The following PRKG1 variants were observed in gnomAD, a reference collection of about 807,000 sequenced individuals.
The protein encoded by PRKG1 is protein kinase cGMP-dependent 1, also known as cGMP-dependent protein kinase 1.
PRKG1 carries 35 observed loss-of-function variants against 88.1 expected under a neutral mutation model. The observed-to-expected ratio is 0.40, with a 90% CI of 0.30 to 0.53. PRKG1 has a LOEUF of 0.53. PRKG1 is among the 20% of genes least tolerant of loss of function. The pLI is 0.59. For missense variants in PRKG1, 540 were observed against 839.8 expected, an observed-to-expected ratio of 0.64 and a Z score of 4.41; for synonymous variants, 303 against 292.5, an observed-to-expected ratio of 1.04 and a Z score of -0.37.
Position 51,555,155 on chromosome 10 carries a change from T to C in PRKG1, c.592+87319T>C, listed in dbSNP as rs575147213. Reference sequence around the variant, plus strand: ...ACAAGGGGGTTGTCACGTTTTTCTTTCTATGCTTTATGGCTCTCCAGTTCC... The same window carrying C: ...ACAAGGGGGTTGTCACGTTTTTCTTCCTATGCTTTATGGCTCTCCAGTTCC... On this transcript the variant is annotated intron_variant, in intron 3 of 17. Transcript: ENST00000373980. Among the ~76,000 whole-genome samples the C allele has an allele frequency of 4.6e-5, 7 of 152,046 alleles. No individual in the cohort carries two copies. In the South Asian group the frequency reaches 1.0e-3, roughly 23 times the overall value.
At chr10:51,282,206 A>G (rs1840319190) in intron 2 of PRKG1, among the ~76,000 whole-genome samples, 1 of 152,280 alleles carries the variant, frequency 6.6e-6, no homozygotes, top group African/African-American at 2.4e-5. Flanking sequence ...CTTGGAATAG[A>G]TGTTGGTTAA....
intron 3 of PRKG1, among the ~76,000 whole-genome samples, chr10:51,505,082 C>T (rs2132048932): frequency 6.6e-6 from 1 of 152,234 alleles, no homozygotes; most frequent in African/African-American, 2.4e-5. Context: ...AGTTTTTGCC[C>T]ATTCAGTATG....
intron 4 of PRKG1, among the ~76,000 whole-genome samples, chr10:51,814,101 A>C (rs1410364347): frequency 3.3e-5 from 5 of 152,088 alleles, no homozygotes; most frequent in Admixed American, 3.3e-4. Flanking sequence ...GTTCTTTTTT[A>C]ACCTCCTGCC....
At chr10:51,481,213 G>T (rs528683338) in intron 3 of PRKG1, among the ~76,000 whole-genome samples, 4 of 103,804 alleles carry the variant, frequency 3.9e-5, no homozygotes, top group Admixed American at 1.5e-4. Flanking sequence ...CCCTCCTTTC[G>T]TTCCTTCCTT....
intron 7 of PRKG1, among the ~76,000 whole-genome samples, chr10:52,101,998 G>C (rs1048856437): frequency 6.6e-6 from 1 of 152,082 alleles, no homozygotes; most frequent in Non-Finnish European, 1.5e-5. Flanking sequence ...TCTCTATAAA[G>C]ATGCTAAACC....
chr10:52,233,196 A>AAGAG (rs112309140), intron 9 of PRKG1, among the ~76,000 whole-genome samples: 209 of 150,414 alleles, frequency 1.4e-3, no homozygotes, highest in African/African-American at 4.6e-3. Flanking sequence ...AAAAAAAAAA[A>AAGAG]AGAGAGAGAG....
intron 2 of PRKG1, among the ~76,000 whole-genome samples, chr10:51,196,235 T>C (rs1037417365): frequency 3.3e-5 from 5 of 152,200 alleles, no homozygotes; most frequent in Non-Finnish European, 7.4e-5. Context: ...TTATCAACTA[T>C]GTTGAAAACT....
intron 9 of PRKG1, among the ~76,000 whole-genome samples, chr10:52,221,661 A>G (rs547358055): frequency 1.3e-5 from 2 of 152,310 alleles, no homozygotes; most frequent in African/African-American, 4.8e-5. Flanking sequence ...AAATCAATAA[A>G]TGAGGAGCTA....
rs561658816 is a variant in PRKG1, at chr10:51,392,945, G to T, written c.479-74778G>T. Among the ~76,000 whole-genome samples, 178 of 138,590 alleles carry T rather than the reference G, an allele frequency of 1.3e-3. 4 individuals carry two copies. The highest frequency in any genetic ancestry group is 5.2e-3 in the African/African-American group (175 of 33,946). 90.9% of individuals were successfully genotyped at this position (138,590 alleles called of 152,430 possible). On this transcript the variant is annotated intron_variant, in intron 2 of 17. Transcript: ENST00000373980. The stretch of plus-strand genomic sequence containing the variant: ...ACCTCCCTCCCGGACGGGGCGGCTG[G>T]CCGGGCTGAGGGCTGACCCCCCACC...
At chr10:51,699,235 C>A in intron 3 of PRKG1, 2 of 1,614,050 alleles carry the variant, frequency 1.2e-6, no homozygotes, top group Non-Finnish European at 1.7e-6. Context: ...GCGCTGCAGG[C>A]CCAAGGCTCT....
chr10:52,155,049 G>A (rs756814796), intron 8 of PRKG1, among the ~76,000 whole-genome samples: 9 of 152,144 alleles, frequency 5.9e-5, no homozygotes, highest in South Asian at 4.1e-4. Flanking sequence ...GCTGATGGAC[G>A]TTTAGGTTGG....
chr10:52,042,270 C>T (rs1277528921), intron 5 of PRKG1, among the ~76,000 whole-genome samples: 1 of 152,078 alleles, frequency 6.6e-6, no homozygotes, highest in African/African-American at 2.4e-5. Context: ...ATAGCCAAAG[C>T]AATCTTAAGC....
intron 4 of PRKG1, among the ~76,000 whole-genome samples, chr10:51,850,215 C>T (rs1024763072): frequency 6.6e-6 from 1 of 152,198 alleles, no homozygotes; most frequent in Non-Finnish European, 1.5e-5. Context: ...TTGCTCTTGT[C>T]ACCCAGGTGG....
chr10:51,169,132 G>A (rs141792012), intron 2 of PRKG1, among the ~76,000 whole-genome samples: 79 of 152,196 alleles, frequency 5.2e-4, no homozygotes, highest in African/African-American at 1.4e-3. Flanking sequence ...TTTATACTGT[G>A]CTTATTTTTC....
chr10:51,074,135 C>A (rs1049895407), upstream of PRKG1, among the ~76,000 whole-genome samples: 1 of 149,580 alleles, frequency 6.7e-6, no homozygotes, highest in Non-Finnish European at 1.5e-5. Context: ...CACCCGCACA[C>A]CCCCGGCGCG....
At chr10:51,213,978 TCTTA>T (rs1414603885) in intron 2 of PRKG1, among the ~76,000 whole-genome samples, 2 of 152,176 alleles carry the variant, frequency 1.3e-5, no homozygotes, top group African/African-American at 2.4e-5. Context: ...GATTCATCAT[TCTTA>T]CTTAAACAAA....
At chr10:52,035,286 T>C (rs1015469224) in intron 5 of PRKG1, among the ~76,000 whole-genome samples, 5 of 152,132 alleles carry the variant, frequency 3.3e-5, no homozygotes, top group African/African-American at 1.2e-4. Context: ...TTGCCAGTCC[T>C]GGGTGGGGCA....
intron 3 of PRKG1, among the ~76,000 whole-genome samples, chr10:51,605,878 A>T (rs1838751357): frequency 1.3e-5 from 2 of 152,176 alleles, no homozygotes; most frequent in Non-Finnish European, 2.9e-5. Context: ...CCAGTTTTTT[A>T]TCCTGGACAA....
intron 3 of PRKG1, among the ~76,000 whole-genome samples, chr10:51,500,456 C>A (rs1321449730): frequency 1.3e-5 from 2 of 152,148 alleles, no homozygotes; most frequent in African/African-American, 4.8e-5. Context: ...AAATCTTGAG[C>A]TATTCAATAA....
Sources: gnomAD v4.1 joint callset for allele counts (sites outside exome capture counted in the v4.1 genomes callset) on GRCh38, gnomAD v4.1.1 for gene constraint, MANE v1.5 for transcripts, NCBI Gene and HGNC (gene_info 2026-07-23, HGNC 2026-07-21) for gene names.